Variants in RNFT2 observed in about 807,000 individuals in gnomAD.
RNFT2 encodes the protein ring finger protein, transmembrane 2.
Under a neutral mutation model 53.0 loss-of-function variants are expected in RNFT2, and 36 were observed. The ratio of observed to expected loss-of-function variants is 0.68; its 90% CI spans 0.52 to 0.90. The LOEUF (loss-of-function observed/expected upper bound fraction) is 0.90. RNFT2 is among the 40% of genes least tolerant of loss of function. The pLI is 0.00. For missense variants in RNFT2, 514 were observed against 585.6 expected, an observed-to-expected ratio of 0.88 and a Z score of 1.26; for synonymous variants, 260 against 253.2, an observed-to-expected ratio of 1.03 and a Z score of -0.26.
chr12:116,802,541 T>G (rs984695754), intron 7 of RNFT2, among the ~76,000 whole-genome samples: 2 of 152,050 alleles, frequency 1.3e-5, no homozygotes, highest in African/African-American at 2.4e-5. Flanking sequence ...AAAACTGAAG[T>G]TAGTGTAAAG....
At chr12:116,843,661 C>T (rs1877466530) in intron 10 of RNFT2, among the ~76,000 whole-genome samples, 1 of 151,740 alleles carries the variant, frequency 6.6e-6, no homozygotes, top group Non-Finnish European at 1.5e-5. Context: ...CCTTTCTCCA[C>T]ATGCTGGAGG....
chr12:116,798,886 C>T lies in RNFT2; in HGVS notation c.882+19538C>T, dbSNP rs542086679. Among the ~76,000 whole-genome samples the T allele has an allele frequency of 4.6e-5, 7 of 152,160 alleles. No individual in the cohort carries two copies. In the South Asian group the frequency reaches 1.5e-3, roughly 32 times the overall value. On this transcript the variant is annotated intron_variant, in intron 7 of 10. Coordinates refer to ENST00000257575, the MANE Select transcript of RNFT2 (RefSeq NM_001382266.1). Reference sequence around the variant, plus strand: ...TGTGCCTGGTCCAATCATAACAGTACCTACATGTGTTAGTTTTCATTTACT... The same window carrying T: ...TGTGCCTGGTCCAATCATAACAGTATCTACATGTGTTAGTTTTCATTTACT...
chr12:116,829,599 T>C (rs1423462881), intron 7 of RNFT2, among the ~76,000 whole-genome samples: 1 of 152,126 alleles, frequency 6.6e-6, no homozygotes, highest in Non-Finnish European at 1.5e-5. Context: ...GCCCAGCCCA[T>C]CAAGATGGAA....
intron 6 of RNFT2, among the ~76,000 whole-genome samples, chr12:116,768,256 A>C (rs1873006313): frequency 6.6e-6 from 1 of 152,004 alleles, no homozygotes; most frequent in African/African-American, 2.4e-5. Flanking sequence ...ACCTGCCACC[A>C]TGCCCAGCTA....
At chr12:116,774,271 G>A (rs7306658) in intron 6 of RNFT2, among the ~76,000 whole-genome samples, 144,945 of 152,290 alleles carry the variant, frequency 0.95, 69,027 homozygotes, top group African/African-American at 0.98. Flanking sequence ...TGAACTGTGC[G>A]CGTAAAAATG....
At chr12:116,844,167 G>A (rs1029890143) in intron 10 of RNFT2, among the ~76,000 whole-genome samples, 5 of 151,982 alleles carry the variant, frequency 3.3e-5, no homozygotes, top group Admixed American at 2.6e-4. Context: ...CATCGCCTGC[G>A]AGGAGGTCAT....
chr12:116,841,750 A>ACAAAC (rs1877261008), intron 10 of RNFT2, among the ~76,000 whole-genome samples: 1 of 132,064 alleles, frequency 7.6e-6, no homozygotes, highest in Non-Finnish European at 1.6e-5. Flanking sequence ...TCTGTCTCAA[A>ACAAAC]AAATATATAA....
At chr12:116,819,815 A>C (rs562875872) in intron 7 of RNFT2, among the ~76,000 whole-genome samples, 16 of 152,130 alleles carry the variant, frequency 1.1e-4, no homozygotes, top group Non-Finnish European at 1.5e-4. Flanking sequence ...TTTTACAAAC[A>C]TATGTAATCA....
intron 7 of RNFT2, among the ~76,000 whole-genome samples, chr12:116,806,176 TTCGAGA>T (rs1185493166): frequency 6.6e-6 from 1 of 151,500 alleles, no homozygotes; most frequent in Non-Finnish European, 1.5e-5. Flanking sequence ...AGGCCAGGAG[TTCGAGA>T]CCAGCCTGGA....
intron 7 of RNFT2, among the ~76,000 whole-genome samples, chr12:116,824,800 A>C (rs1876238797): frequency 6.6e-6 from 1 of 152,100 alleles, no homozygotes; most frequent in Admixed American, 6.5e-5. Flanking sequence ...CTCATGATCT[A>C]ATTACCTTTC....
chr12:116,780,805 A>T (rs1358976387), intron 7 of RNFT2, among the ~76,000 whole-genome samples: 4 of 152,090 alleles, frequency 2.6e-5, no homozygotes, highest in Non-Finnish European at 2.9e-5. Flanking sequence ...GAGCTCATGC[A>T]GGGTTCCAGG....
At chr12:116,752,811 G>A (rs1369572107) in intron 4 of RNFT2, among the ~76,000 whole-genome samples, 1 of 152,162 alleles carries the variant, frequency 6.6e-6, no homozygotes, top group Non-Finnish European at 1.5e-5. Context: ...CCAGGAGGTG[G>A]AGGTTGCAGT....
chr12:116,833,634 C>T (rs749014850), intron 7 of RNFT2, among the ~76,000 whole-genome samples, 158 bp from the exon 8 acceptor site: 3 of 152,204 alleles, frequency 2.0e-5, no homozygotes, highest in South Asian at 2.1e-4. Flanking sequence ...CTGGCCATAT[C>T]GCAGCCCCAT....
At chr12:116,796,427 C>G (rs370990888) in intron 7 of RNFT2, among the ~76,000 whole-genome samples, 7 of 152,186 alleles carry the variant, frequency 4.6e-5, no homozygotes, top group African/African-American at 7.2e-5. Flanking sequence ...TAACTAAGTT[C>G]TAGCTCAGTA....
chr12:116,752,229 G>A (rs758156228), intron 4 of RNFT2, among the ~76,000 whole-genome samples: 1 of 151,512 alleles, frequency 6.6e-6, no homozygotes, highest in Admixed American at 6.6e-5. Context: ...GAGGAGATGA[G>A]ACCATTCTTT....
intron 5 of RNFT2, chr12:116,755,749 G>T: frequency 6.8e-7 from 1 of 1,468,882 alleles, no homozygotes; most frequent in Non-Finnish European, 9.4e-7. Flanking sequence ...CCATTCCCTT[G>T]ATGTCTACGA....
intron 8 of RNFT2, among the ~76,000 whole-genome samples, chr12:116,835,016 A>G (rs905279609): frequency 1.3e-4 from 19 of 151,794 alleles, no homozygotes; most frequent in African/African-American, 4.6e-4. Context: ...TACCTGGCTA[A>G]TTTTTGTATT....
At chr12:116,760,220 C>G (rs1032502991) in intron 5 of RNFT2, among the ~76,000 whole-genome samples, 3 of 152,176 alleles carry the variant, frequency 2.0e-5, no homozygotes, top group African/African-American at 7.2e-5. Context: ...AGCCCCCAGA[C>G]CATTTCCAGG....
At chr12:116,786,405 C>T (rs1873938114) in intron 7 of RNFT2, among the ~76,000 whole-genome samples, 1 of 152,102 alleles carries the variant, frequency 6.6e-6, no homozygotes, top group African/African-American at 2.4e-5. Flanking sequence ...GCCACCGCGC[C>T]CGGCCGAGAT....
Sources: allele counts gnomAD v4.1 joint callset (sites outside exome capture counted in the v4.1 genomes callset), GRCh38; gene constraint gnomAD v4.1.1; transcripts MANE v1.5; gene names NCBI Gene and HGNC (gene_info 2026-07-23, HGNC 2026-07-21).